MAP3K14: variants seen among roughly 807,000 people sequenced by gnomAD.
MAP3K14 encodes the protein NF-kappa-beta-inducing kinase.
Under a neutral mutation model 99.2 loss-of-function variants are expected in MAP3K14, and 16 were observed. The observed-to-expected ratio is 0.16, with a 90% CI of 0.11 to 0.24. MAP3K14 has a LOEUF of 0.24. Ranked by LOEUF, MAP3K14 falls within the 10% of genes least tolerant of loss-of-function variation. MAP3K14 has a pLI of 1.00. For missense variants in MAP3K14, 784 were observed against 1,208.7 expected, an observed-to-expected ratio of 0.65 and a Z score of 5.21; for synonymous variants, 462 against 492.4, an observed-to-expected ratio of 0.94 and a Z score of 0.82.
At chr17:45,275,512 A>C (rs1171260274) in intron 6 of MAP3K14, among the ~76,000 whole-genome samples, 1 of 151,728 alleles carries the variant, frequency 6.6e-6, no homozygotes, top group Non-Finnish European at 1.5e-5. Context: ...AAACCCACAA[A>C]AAAACAAACA....
intron 1 of MAP3K14, among the ~76,000 whole-genome samples, chr17:45,309,347 G>A (rs1568003092): frequency 6.6e-6 from 1 of 152,220 alleles, no homozygotes; most frequent in Non-Finnish European, 1.5e-5. Context: ...GGGCCACTGG[G>A]CTGCGCATGG....
chr17:45,310,640 C>T (rs2044468141), intron 1 of MAP3K14, among the ~76,000 whole-genome samples: 1 of 152,172 alleles, frequency 6.6e-6, no homozygotes, highest in South Asian at 2.1e-4. Flanking sequence ...AGTATGCATG[C>T]ACCTCCTGCA....
At chr17:45,306,643 C>A (rs1355951169) in intron 1 of MAP3K14, among the ~76,000 whole-genome samples, 1 of 152,208 alleles carries the variant, frequency 6.6e-6, no homozygotes, top group Non-Finnish European at 1.5e-5. Flanking sequence ...ATTTACCATT[C>A]TTTTTATAAC....
chr17:45,306,122 AT>A (rs1409841972), intron 1 of MAP3K14, among the ~76,000 whole-genome samples: 2 of 152,118 alleles, frequency 1.3e-5, no homozygotes, highest in Non-Finnish European at 2.9e-5. Flanking sequence ...TAATGCGTGC[AT>A]TTTTTTCTTG....
chr17:45,278,935 T>G (rs2044199346), intron 6 of MAP3K14, among the ~76,000 whole-genome samples: 1 of 151,920 alleles, frequency 6.6e-6, no homozygotes, highest in Non-Finnish European at 1.5e-5. Flanking sequence ...CATGTTGAGA[T>G]TACAAGTGTG....
Position 45,267,792 on chromosome 17 carries a change from G to T in MAP3K14, c.1973-33C>A. 6.4e-7 allele frequency: 1 copy of T among 1,570,056 alleles called. No individual in the cohort carries two copies. ...ACAGAGAGTACAATGGTGAGGGGAA[G>T]CGTGCTGTGCACAGACAGCGGTCCA... On this transcript the variant is annotated intron_variant, in intron 11 of 15. Transcript: ENST00000344686. This position sits in a 1 kb window ranked among gnomAD's most constrained non-coding sequence, Gnocchi z 5.1.
chr17:45,289,667 A>G (rs1168591615), intron 2 of MAP3K14, among the ~76,000 whole-genome samples: 2 of 152,252 alleles, frequency 1.3e-5, no homozygotes, highest in Non-Finnish European at 2.9e-5. Flanking sequence ...GTATTTATAT[A>G]TGTGTGTACA....
chr17:45,285,969 A>T (rs1379228222), intron 5 of MAP3K14, among the ~76,000 whole-genome samples: 1 of 109,762 alleles, frequency 9.1e-6, no homozygotes, highest in African/African-American at 8.2e-5. Flanking sequence ...ACATTTATTA[A>T]AAAAAAAAAA....
At chr17:45,298,640 G>T (rs1193788645) in intron 1 of MAP3K14, among the ~76,000 whole-genome samples, 1 of 152,260 alleles carries the variant, frequency 6.6e-6, no homozygotes, top group African/African-American at 2.4e-5. Context: ...GAGGCTTTAT[G>T]TTGAGTAAGG....
At chr17:45,307,124 G>C (rs1031225648) in intron 1 of MAP3K14, among the ~76,000 whole-genome samples, 3 of 152,050 alleles carry the variant, frequency 2.0e-5, no homozygotes, top group Non-Finnish European at 4.4e-5. Context: ...TGGGTGTGGT[G>C]GTGGGTGCCT....
At chr17:45,296,966 C>T (rs554232873) in intron 1 of MAP3K14, among the ~76,000 whole-genome samples, 1 of 152,238 alleles carries the variant, frequency 6.6e-6, no homozygotes, top group South Asian at 2.1e-4. Flanking sequence ...CCATAAATGT[C>T]TTCTGTGTAT....
chr17:45,281,222 G>A (rs1012505470), intron 6 of MAP3K14, among the ~76,000 whole-genome samples: 1 of 151,280 alleles, frequency 6.6e-6, no homozygotes, highest in African/African-American at 2.4e-5. Flanking sequence ...TCAGTCTCCC[G>A]AGTAGCTAGG....
chr17:45,307,206 C>G (rs769391298), intron 1 of MAP3K14, among the ~76,000 whole-genome samples: 7 of 151,598 alleles, frequency 4.6e-5, no homozygotes, highest in Non-Finnish European at 7.4e-5. Context: ...TGCAGTGAGC[C>G]GAGATTGTGC....
intron 1 of MAP3K14, 42 bp from the exon 2 acceptor site, chr17:45,290,807 G>A: frequency 6.3e-7 from 1 of 1,581,532 alleles, no homozygotes; most frequent in Non-Finnish European, 8.6e-7. Flanking sequence ...TAGAATCCCA[G>A]ACCTGGGAGA....
chr17:45,295,223 A>ATT (rs35287303), intron 1 of MAP3K14, among the ~76,000 whole-genome samples: 28 of 148,752 alleles, frequency 1.9e-4, no homozygotes, highest in African/African-American at 4.9e-4. Context: ...AGCCTTAACA[A>ATT]TTTTTTTTTT....
chr17:45,267,714 C>G lies in MAP3K14; in HGVS notation c.2018G>C (p.Arg673Thr), dbSNP rs2044105318. Residue 673 changes from arginine to threonine, a missense_variant, in exon 12 of 16, where the codon AGA (arginine) becomes ACA (threonine). By Grantham distance (71) the Arg-to-Thr change is moderately conservative. Around this residue, in one of 5 missense-constraint regions of MAP3K14, gnomAD observed 128 missense variants for 143.3 expected, o/e 0.89. Coordinates refer to ENST00000344686, the MANE Select transcript of MAP3K14 (RefSeq NM_003954.5). The surrounding 1 kb of genome is among the most constrained non-coding windows in gnomAD (Gnocchi z 5.1). ...ATTGGCTTGATTTGGCGGTGGATGT[C>G]TTGGTTCTTTATATTCTCCCCTCCA... Reference protein sequence around the residue: ...SPWRGEYKEPRHPPPNQANYH... With the variant: ...SPWRGEYKEPTHPPPNQANYH... 1 of 1,613,434 alleles carries G rather than the reference C, an allele frequency of 6.2e-7. No individual in the cohort carries two copies. The highest frequency in any genetic ancestry group is 8.5e-7 in the Non-Finnish European group (1 of 1,179,858).
intron 11 of MAP3K14, among the ~76,000 whole-genome samples, chr17:45,269,220 C>T (rs2044123499): frequency 6.6e-6 from 1 of 152,052 alleles, no homozygotes; most frequent in Admixed American, 6.6e-5. Context: ...CTATGTTGCC[C>T]AGGCTGATCT....
intron 1 of MAP3K14, among the ~76,000 whole-genome samples, chr17:45,298,028 C>A (rs1232692994): frequency 6.6e-6 from 1 of 152,034 alleles, no homozygotes; most frequent in Non-Finnish European, 1.5e-5. Context: ...CAGTTTAAAT[C>A]GTTTTAAAAC....
At chr17:45,291,680 T>C (rs2044312458) in intron 1 of MAP3K14, among the ~76,000 whole-genome samples, 1 of 152,220 alleles carries the variant, frequency 6.6e-6, no homozygotes, top group South Asian at 2.1e-4. Flanking sequence ...AGAAGAGCAC[T>C]GATTTGAGAC....
Sources: allele counts gnomAD v4.1 joint callset (sites outside exome capture counted in the v4.1 genomes callset), GRCh38; gene constraint gnomAD v4.1.1; regional missense constraint gnomAD v4.1.1; non-coding constraint Gnocchi (gnomAD v3.1); transcripts MANE v1.5; gene names NCBI Gene and HGNC (gene_info 2026-07-23, HGNC 2026-07-21).